Variants in FBXL2 observed in about 807,000 individuals in gnomAD.
The protein encoded by FBXL2 is F-box/LRR-repeat protein 2.
Under a neutral mutation model 69.2 loss-of-function variants are expected in FBXL2, and 38 were observed. That is an observed-to-expected ratio of 0.55 (90% confidence interval 0.42 to 0.72). The LOEUF (loss-of-function observed/expected upper bound fraction) is 0.72, where lower values mean the gene tolerates loss of function less well. FBXL2 is among the 30% of genes least tolerant of loss of function. The probability of loss-of-function intolerance (pLI) is 0.00; values close to 1 mark genes in which losing one functional copy is unlikely to be tolerated. For synonymous variants in FBXL2, 192 were observed against 201.3 expected (o/e 0.95, Z 0.39); for missense variants, 354 against 520.3 (o/e 0.68, Z 3.11).
At chr3:33,348,806 A>G (rs988967246) in intron 2 of FBXL2, among the ~76,000 whole-genome samples, 11 of 152,002 alleles carry the variant, frequency 7.2e-5, no homozygotes, top group African/African-American at 2.4e-4. Flanking sequence ...AGTGTTTTAT[A>G]TTTTTATTGT....
chr3:33,355,149 C>T (rs1352650802), intron 2 of FBXL2, among the ~76,000 whole-genome samples: 6 of 152,070 alleles, frequency 3.9e-5, no homozygotes, highest in Admixed American at 2.0e-4. Context: ...ATGCTGGTCT[C>T]GAATTCCTGG....
rs1252886310 is a variant in FBXL2, at chr3:33,384,086, A to G, written c.1049A>G (p.Asn350Ser). ...HERLRVLELD[N>S]CLLITDVALE... is the part of the protein sequence containing the mutation. The stretch of plus-strand genomic sequence containing the variant: ...AGGCTGCGGGTACTGGAGTTGGACA[A>G]CTGCCTCCTCATCACTGATGTGGCC... The change falls in exon 14 of 15, where the codon AAC becomes AGC. Residue 350 changes from asparagine (N) to serine (S), a missense_variant. Physicochemically the swap from Asn to Ser is conservative, Grantham distance 46. Transcript: ENST00000484457. 1.9e-6 allele frequency: 3 copies of G among 1,614,152 alleles called. No individual in the cohort carries two copies. Among genetic ancestry groups the G allele is most frequent in the African/African-American group, 1.3e-5 (1 of 75,050 alleles).
intron 2 of FBXL2, among the ~76,000 whole-genome samples, chr3:33,299,357 T>C (rs1346104377): frequency 6.6e-6 from 1 of 152,182 alleles, no homozygotes; most frequent in African/African-American, 2.4e-5. Flanking sequence ...CCTTTTAATA[T>C]TCCACAGAAA....
intron 2 of FBXL2, among the ~76,000 whole-genome samples, chr3:33,307,233 G>C (rs1463021062): frequency 6.6e-6 from 1 of 152,118 alleles, no homozygotes; most frequent in Non-Finnish European, 1.5e-5. Context: ...GCGATGTAGA[G>C]CACAATATCA....
downstream of FBXL2, among the ~76,000 whole-genome samples, chr3:33,406,563 A>G (rs1370825166): frequency 6.6e-6 from 1 of 152,258 alleles, no homozygotes; most frequent in Non-Finnish European, 1.5e-5. Flanking sequence ...GAAGCCATCA[A>G]AAAGCTTCAA....
rs990104592 is a variant in FBXL2, at chr3:33,385,749, T to C, written c.*141T>C. Reference sequence around the variant, plus strand: ...TACAGGTAAAAGACTTCTGTATGGATTGCAGTTACTCTGGTGATAGTTTTC... The same window carrying C: ...TACAGGTAAAAGACTTCTGTATGGACTGCAGTTACTCTGGTGATAGTTTTC... On this transcript the variant is annotated 3_prime_UTR_variant, in exon 15 of 15. Coordinates refer to ENST00000484457, the MANE Select transcript of FBXL2 (RefSeq NM_012157.5). 12 of 660,416 alleles carry C rather than the reference T, an allele frequency of 1.8e-5. No homozygotes were observed. Among genetic ancestry groups the C allele is most frequent in the Non-Finnish European group, 3.0e-5 (11 of 370,724 alleles). 40.9% of individuals were successfully genotyped at this position (660,416 alleles called of 1,614,324 possible). A position where few individuals can be genotyped will look rare whatever the true frequency, so the allele number is the denominator to read the frequency against.
downstream of FBXL2, chr3:33,392,405 TTC>T (rs2043804590): frequency 3.1e-6 from 2 of 638,312 alleles, no homozygotes; most frequent in Non-Finnish European, 2.5e-6. Flanking sequence ...ATATGCTAAT[TTC>T]TGTTACAACC....
intron 1 of FBXL2, among the ~76,000 whole-genome samples, chr3:33,291,492 T>A (rs1238553973): frequency 1.3e-5 from 2 of 152,182 alleles, no homozygotes; most frequent in Non-Finnish European, 2.9e-5. Context: ...TATGTTTCTT[T>A]AATACATACA....
intron 12 of FBXL2, among the ~76,000 whole-genome samples, chr3:33,394,202 T>TATC (rs2043878097): frequency 6.8e-6 from 1 of 148,098 alleles, no homozygotes. Context: ...TTATTATTAT[T>TATC]ATTATTATTA....
intron 12 of FBXL2, chr3:33,400,880 C>A: frequency 7.5e-7 from 1 of 1,341,654 alleles, no homozygotes; most frequent in Non-Finnish European, 1.0e-6. Context: ...TTCTCACCTA[C>A]TCCATACATT....
In FBXL2 at chr3:33,386,825, C is replaced by T. The variant is rs2043468888; in HGVS notation, c.*1217C>T. 1 of 152,012 alleles carries T rather than the reference C, an allele frequency of 6.6e-6. No homozygotes were observed. Among genetic ancestry groups the T allele is most frequent in the Admixed American group, 6.5e-5 (1 of 15,270 alleles). 9.4% of individuals were successfully genotyped at this position (152,012 alleles called of 1,614,324 possible). On this transcript the variant is annotated 3_prime_UTR_variant, in exon 15 of 15. Coordinates refer to ENST00000484457, the MANE Select transcript of FBXL2 (RefSeq NM_012157.5). ...AGAACCTGTCAATCAGTCATCACCA[C>T]CTTCATTGTAAACTTAGGTGTTCAT...
At chr3:33,367,400 A>G (rs1023387142) in intron 5 of FBXL2, among the ~76,000 whole-genome samples, 7 of 152,198 alleles carry the variant, frequency 4.6e-5, no homozygotes, top group African/African-American at 1.7e-4. Context: ...TTTAATATGT[A>G]TAGAACTCTT....
intron 12 of FBXL2, chr3:33,398,232 T>C (rs962621595): frequency 5.9e-5 from 9 of 152,226 alleles, no homozygotes; most frequent in African/African-American, 1.9e-4. Flanking sequence ...CACTTACATA[T>C]GTAGAAGATA....
At chr3:33,303,023 C>T (rs2036419822) in intron 2 of FBXL2, 1 of 456,496 alleles carries the variant, frequency 2.2e-6, no homozygotes, top group Middle Eastern at 3.3e-4. Flanking sequence ...AGGGCTCATT[C>T]CTGCTATGGG....
At chr3:33,369,205 C>G (rs937294897) in intron 5 of FBXL2, among the ~76,000 whole-genome samples, 1 of 151,956 alleles carries the variant, frequency 6.6e-6, no homozygotes, top group African/African-American at 2.4e-5. Flanking sequence ...GCATGGGCCA[C>G]CTTGCCTGGA....
intron 2 of FBXL2, among the ~76,000 whole-genome samples, chr3:33,353,726 A>T (rs2040994145): frequency 1.3e-5 from 2 of 152,156 alleles, no homozygotes; most frequent in African/African-American, 2.4e-5. Context: ...CTCTTCAAAA[A>T]ATTTTTTTTT....
At chr3:33,394,300 C>G (rs1224483964) in intron 12 of FBXL2, among the ~76,000 whole-genome samples, 3 of 151,818 alleles carry the variant, frequency 2.0e-5, no homozygotes, top group Admixed American at 2.0e-4. Context: ...CCCAGTTAGG[C>G]CTCCCAAAGT....
At chr3:33,315,670 A>G (rs1166104970) in intron 2 of FBXL2, among the ~76,000 whole-genome samples, 1 of 151,928 alleles carries the variant, frequency 6.6e-6, no homozygotes, top group Admixed American at 6.6e-5. Context: ...GAGTTCTGTT[A>G]TGTCATCTTA....
At chr3:33,418,328 A>G in the FBXL2 span, among the ~76,000 whole-genome samples, 2 of 151,974 alleles carry the variant, frequency 1.3e-5, no homozygotes, top group Admixed American at 1.3e-4. Flanking sequence ...ATCTCGGCTC[A>G]CTGCAACCTC....
Sources: allele counts gnomAD v4.1 joint callset (sites outside exome capture counted in the v4.1 genomes callset), GRCh38; gene constraint gnomAD v4.1.1; transcripts MANE v1.5; gene names NCBI Gene and HGNC (gene_info 2026-07-23, HGNC 2026-07-21).